Variants in SAE1 observed in about 807,000 individuals in gnomAD.
SAE1 encodes the protein SUMO1 activating enzyme subunit 1, also known as SUMO-activating enzyme subunit 1.
Under a neutral mutation model 40.6 loss-of-function variants are expected in SAE1, and 11 were observed. That is an observed-to-expected ratio of 0.27 (90% CI 0.17 to 0.45). SAE1 has a LOEUF of 0.45. Ranked by LOEUF, SAE1 falls within the 20% of genes least tolerant of loss-of-function variation. SAE1 has a pLI of 1.00. For missense variants in SAE1, 373 were observed against 427.3 expected, an observed-to-expected ratio of 0.87 and a Z score of 1.12; for synonymous variants, 155 against 154.3, an observed-to-expected ratio of 1.00 and a Z score of -0.03.
chr19:47,149,996 T>A (rs888416056), intron 2 of SAE1, among the ~76,000 whole-genome samples: 1 of 149,806 alleles, frequency 6.7e-6, no homozygotes, highest in Non-Finnish European at 1.5e-5. Context: ...GAGAATCATT[T>A]GAACCCAGGA....
intron 7 of SAE1, among the ~76,000 whole-genome samples, chr19:47,199,927 A>G (rs1327315186): frequency 6.6e-6 from 1 of 150,800 alleles, no homozygotes; most frequent in Non-Finnish European, 1.5e-5. Flanking sequence ...CTATGTTTAG[A>G]TGATGGCTTT....
intron 6 of SAE1, among the ~76,000 whole-genome samples, chr19:47,187,916 G>A (rs2058553850): frequency 6.6e-6 from 1 of 152,076 alleles, no homozygotes; most frequent in East Asian, 1.9e-4. Flanking sequence ...CATATTTTTT[G>A]AGTGCCTGCT....
At chr19:47,139,961 G>A (rs1197780356) in intron 1 of SAE1, among the ~76,000 whole-genome samples, 6 of 139,888 alleles carry the variant, frequency 4.3e-5, no homozygotes, top group African/African-American at 1.3e-4. Flanking sequence ...TTTTTGAGAC[G>A]GAGTCTCGCT....
chr19:47,167,536 A>G (rs535636307), intron 5 of SAE1, among the ~76,000 whole-genome samples: 34 of 152,264 alleles, frequency 2.2e-4, no homozygotes, highest in Non-Finnish European at 3.4e-4. Flanking sequence ...CACTGCGCCC[A>G]GCCAACAATT....
At chr19:47,197,084 G>C in intron 6 of SAE1, 149 bp from the exon 7 acceptor site, 1 of 688,920 alleles carries the variant, frequency 1.5e-6, no homozygotes, top group Non-Finnish European at 2.3e-6. Context: ...AGGAGGCTGA[G>C]GCAGAAGAAT....
intron 5 of SAE1, among the ~76,000 whole-genome samples, chr19:47,163,815 T>C (rs530325008): frequency 1.3e-5 from 2 of 152,318 alleles, no homozygotes; most frequent in South Asian, 4.1e-4. Flanking sequence ...AGACAGAGTC[T>C]TGCTTTATTG....
chr19:47,197,351 T>C lies in SAE1; in HGVS notation c.852T>C (p.Pro284=), dbSNP rs1483982815. The C allele has an allele frequency of 1.9e-6, 3 of 1,613,498 alleles. No individual in the cohort carries two copies. The change falls in exon 7 of 9, where the codon CCT becomes CCC. Residue 284 remains proline (P), a synonymous_variant. Coordinates refer to ENST00000270225, the MANE Select transcript of SAE1 (RefSeq NM_005500.3). ...NDVLDSLGIS[P]DLLPEDFVRY... ...TGCTTGACTCACTGGGTATTAGTCC[T>C]GACCTGCTTCCTGAGGACTTTGTCA...
At chr19:47,162,421 C>G (rs772929999) in intron 5 of SAE1, among the ~76,000 whole-genome samples, 1 of 152,152 alleles carries the variant, frequency 6.6e-6, no homozygotes, top group Admixed American at 6.5e-5. Context: ...AAGTTACTCT[C>G]AAGTGGTTTT....
intron 7 of SAE1, among the ~76,000 whole-genome samples, chr19:47,197,743 T>C (rs2058625483): frequency 6.6e-6 from 1 of 152,168 alleles, no homozygotes; most frequent in South Asian, 2.1e-4. Flanking sequence ...TATTCTAGAG[T>C]GTGAAGCGAT....
At chr19:47,187,928 T>G (rs1480111506) in intron 6 of SAE1, among the ~76,000 whole-genome samples, 1 of 152,196 alleles carries the variant, frequency 6.6e-6, no homozygotes, top group East Asian at 1.9e-4. Flanking sequence ...GTGCCTGCTA[T>G]GGGGCAAGCC....
chr19:47,200,333 G>A (rs149819222), intron 7 of SAE1, among the ~76,000 whole-genome samples: 1 of 150,170 alleles, frequency 6.7e-6, no homozygotes, highest in Non-Finnish European at 1.5e-5. Flanking sequence ...CCTGGGCTCA[G>A]GCAACACTCT....
rs112037343 is a variant in SAE1, at chr19:47,136,417, C to T, written c.98+5389C>T. Among the ~76,000 whole-genome samples, 1,078 of 151,848 alleles carry T rather than the reference C, an allele frequency of 7.1e-3. 11 individuals are homozygous for T. The highest frequency in any genetic ancestry group is 0.025 in the African/African-American group (1,039 of 41,408). ...CCCCCCAAAGTGTTGCAATTACAGG[C>T]GTGAGCCACCACACCCAGCCTGATT... is the stretch of plus-strand genomic sequence containing the variant. On this transcript the variant is annotated intron_variant, in intron 1 of 8. Transcript: ENST00000270225.
At chr19:47,192,965 C>T (rs918430914) in intron 6 of SAE1, among the ~76,000 whole-genome samples, 9 of 152,032 alleles carry the variant, frequency 5.9e-5, no homozygotes, top group Admixed American at 5.3e-4. Flanking sequence ...TTACTACAAT[C>T]GGAATACCAG....
intron 1 of SAE1, among the ~76,000 whole-genome samples, chr19:47,133,965 C>A (rs978657010): frequency 2.0e-5 from 3 of 151,520 alleles, no homozygotes; most frequent in Admixed American, 2.0e-4. Context: ...CAGGTTCAAG[C>A]AATTCTCCTG....
intron 6 of SAE1, among the ~76,000 whole-genome samples, chr19:47,185,972 G>A (rs538810623): frequency 2.1e-4 from 31 of 150,480 alleles, no homozygotes; most frequent in South Asian, 1.1e-3. Flanking sequence ...GGGCGTGGTG[G>A]CTCATGCCTG....
chr19:47,155,736 C>G (rs2058319101), intron 5 of SAE1, among the ~76,000 whole-genome samples: 1 of 151,364 alleles, frequency 6.6e-6, no homozygotes, highest in Non-Finnish European at 1.5e-5. Context: ...GCCACCATGC[C>G]CGGCCCCATA....
At chr19:47,196,076 C>T (rs1234801790) in intron 6 of SAE1, among the ~76,000 whole-genome samples, 9 of 148,088 alleles carry the variant, frequency 6.1e-5, no homozygotes, top group African/African-American at 2.2e-4. Flanking sequence ...GACGGAGTCT[C>T]GCTCTGTTGC....
chr19:47,179,631 T>G (rs1600191939), intron 6 of SAE1, among the ~76,000 whole-genome samples: 2 of 152,168 alleles, frequency 1.3e-5, no homozygotes, highest in Middle Eastern at 6.8e-3. Flanking sequence ...CTGCAGCTTC[T>G]CCCTCCCAGC....
intron 6 of SAE1, among the ~76,000 whole-genome samples, chr19:47,189,320 G>A (rs1423754102): frequency 1.3e-5 from 2 of 152,158 alleles, no homozygotes; most frequent in Non-Finnish European, 2.9e-5. Flanking sequence ...CGCTTTGGGA[G>A]GCTGAGGCAG....
Sources: gnomAD v4.1 joint callset for allele counts (sites outside exome capture counted in the v4.1 genomes callset) on GRCh38, gnomAD v4.1.1 for gene constraint, MANE v1.5 for transcripts, NCBI Gene and HGNC (gene_info 2026-07-23, HGNC 2026-07-21) for gene names.